VTI1A: variants seen among roughly 807,000 people sequenced by gnomAD.
VTI1A encodes the protein vesicle transport through interaction with t-SNAREs 1A.
VTI1A carries 22 observed loss-of-function variants against 34.9 expected under a neutral mutation model. The observed-to-expected ratio is 0.63, with a 90% confidence interval of 0.45 to 0.90. The LOEUF is 0.90. Ranked by LOEUF, VTI1A falls within the 40% of genes least tolerant of loss-of-function variation. The pLI is 0.00. For missense variants in VTI1A, 268 were observed against 275.6 expected, an observed-to-expected ratio of 0.97 and a Z score of 0.20; for synonymous variants, 87 against 97.3, an observed-to-expected ratio of 0.89 and a Z score of 0.62.
At chr10:112,765,853 A>AT (rs1288989752) in intron 7 of VTI1A, among the ~76,000 whole-genome samples, 5 of 152,172 alleles carry the variant, frequency 3.3e-5, no homozygotes, top group Non-Finnish European at 4.4e-5. Context: ...TGTCTAACCT[A>AT]TCTCTCTGTG....
At position 112,493,229 on chromosome 10, in the gene VTI1A, G is replaced by A. The variant is rs143684724; in HGVS notation, c.264+28572G>A. On this transcript the variant is annotated intron_variant, in intron 3 of 7. Coordinates refer to ENST00000393077, the MANE Select transcript of VTI1A (RefSeq NM_145206.4). ...TAAATATTTTCTCTTTAATTGTGTCGTGAATTATGTTTTTTCTTTCCTTTT... is the reference window on the plus strand; with the variant it reads ...TAAATATTTTCTCTTTAATTGTGTCATGAATTATGTTTTTTCTTTCCTTTT... Among the ~76,000 whole-genome samples the A allele has an allele frequency of 1.7e-3, 253 of 152,010 alleles. 1 individual carries two copies. The highest frequency in any genetic ancestry group is 5.4e-3 in the African/African-American group (222 of 41,478).
intron 7 of VTI1A, among the ~76,000 whole-genome samples, chr10:112,785,248 C>G (rs747508951): frequency 6.6e-5 from 10 of 152,186 alleles, no homozygotes; most frequent in Non-Finnish European, 1.3e-4. Flanking sequence ...ACTGGGCTCC[C>G]CAGGAGCCTT....
intron 7 of VTI1A, among the ~76,000 whole-genome samples, chr10:112,777,713 G>A (rs1851992657): frequency 6.6e-6 from 1 of 152,180 alleles, no homozygotes; most frequent in Non-Finnish European, 1.5e-5. Flanking sequence ...GGACATTGTG[G>A]CATTCATTCT....
intron 7 of VTI1A, among the ~76,000 whole-genome samples, chr10:112,717,122 T>C (rs1348464425): frequency 1.3e-5 from 2 of 152,188 alleles, no homozygotes. Context: ...GGACATTGGC[T>C]CAGTGCTGAG....
intron 7 of VTI1A, among the ~76,000 whole-genome samples, chr10:112,763,163 A>G (rs1305258930): frequency 6.6e-6 from 1 of 151,980 alleles, no homozygotes; most frequent in Non-Finnish European, 1.5e-5. Flanking sequence ...AGTGGCTCAC[A>G]CCTGTAATCC....
chr10:112,781,097 G>A lies in VTI1A; in HGVS notation c.561-34193G>A, dbSNP rs144749223. Among the ~76,000 whole-genome samples, 129 of 152,114 alleles carry A rather than the reference G, an allele frequency of 8.5e-4. 1 individual carries two copies. Among genetic ancestry groups the A allele is most frequent in the African/African-American group, 3.1e-3 (128 of 41,518 alleles). On this transcript the variant is annotated intron_variant, in intron 7 of 7. Coordinates refer to ENST00000393077, the MANE Select transcript of VTI1A (RefSeq NM_145206.4). ...GTAGCTGGGACTACAGGTGCACACC[G>A]CCATGGCCGGGTAATTTTTTGTAGT... is the stretch of plus-strand genomic sequence containing the variant.
intron 7 of VTI1A, among the ~76,000 whole-genome samples, chr10:112,678,090 T>C (rs192000223): frequency 2.0e-5 from 3 of 152,366 alleles, no homozygotes; most frequent in African/African-American, 7.2e-5. Context: ...CATTCAAAGA[T>C]AAAATATGTA....
chr10:112,507,031 G>A (rs1158053846), intron 3 of VTI1A, among the ~76,000 whole-genome samples: 1 of 151,792 alleles, frequency 6.6e-6, no homozygotes, highest in East Asian at 1.9e-4. Flanking sequence ...TGTAGAGAAT[G>A]AAGTAGGGGA....
chr10:112,783,647 T>C (rs1160561042), intron 7 of VTI1A, among the ~76,000 whole-genome samples: 1 of 152,242 alleles, frequency 6.6e-6, no homozygotes, highest in Non-Finnish European at 1.5e-5. Context: ...AATATCCAGC[T>C]GGCTTTGGAG....
At chr10:112,660,494 T>A (rs1847407768) in intron 5 of VTI1A, among the ~76,000 whole-genome samples, 1 of 152,204 alleles carries the variant, frequency 6.6e-6, no homozygotes, top group Admixed American at 6.5e-5. Flanking sequence ...AGAAAGGGAA[T>A]GTTTTACCTA....
chr10:112,669,084 C>T, intron 7 of VTI1A, 86 bp downstream of exon 7: 1 of 1,492,896 alleles, frequency 6.7e-7, no homozygotes, highest in Non-Finnish European at 9.3e-7. Flanking sequence ...GGGCATATTA[C>T]ATGCTTTTGA....
intron 5 of VTI1A, among the ~76,000 whole-genome samples, chr10:112,598,442 A>G (rs1844753115): frequency 6.6e-6 from 1 of 152,192 alleles, no homozygotes. Context: ...TGTGATGTGC[A>G]TTTAGAACAC....
rs116229183 is a variant in VTI1A, at chr10:112,747,472, A to G, written c.561-67818A>G. On this transcript the variant is annotated intron_variant, in intron 7 of 7. Transcript: ENST00000393077. ...TGAATACGATAGGCAGTTATAACAC[A>G]ATGGTTAAGTATTTGTGTATATAAA... is the stretch of plus-strand genomic sequence containing the variant. Among the ~76,000 whole-genome samples, 482 of 152,336 alleles carry G rather than the reference A, an allele frequency of 3.2e-3. 2 individuals carry two copies. The highest frequency in any genetic ancestry group is 0.011 in the African/African-American group (452 of 41,576).
intron 7 of VTI1A, among the ~76,000 whole-genome samples, chr10:112,705,810 C>T (rs966036200): frequency 2.0e-5 from 3 of 152,102 alleles, no homozygotes; most frequent in Non-Finnish European, 4.4e-5. Context: ...TTAACATTTG[C>T]CCACCCACCT....
chr10:112,518,629 G>A (rs7475468), intron 3 of VTI1A, among the ~76,000 whole-genome samples: 1 of 129,598 alleles, frequency 7.7e-6, no homozygotes, highest in African/African-American at 2.8e-5. Flanking sequence ...GTGTGTATGT[G>A]TATATATATG....
intron 5 of VTI1A, among the ~76,000 whole-genome samples, chr10:112,551,705 G>A (rs1000294525): frequency 6.6e-6 from 1 of 152,162 alleles, no homozygotes; most frequent in Non-Finnish European, 1.5e-5. Flanking sequence ...TTTAAGGAGG[G>A]TAGAGGAGGT....
chr10:112,670,701 G>GT (rs1308628233), intron 7 of VTI1A, among the ~76,000 whole-genome samples: 1 of 152,168 alleles, frequency 6.6e-6, no homozygotes, highest in Non-Finnish European at 1.5e-5. Context: ...TAACGTGGTT[G>GT]TTTCAGAAGC....
chr10:112,809,734 C>A (rs891723810), intron 7 of VTI1A, among the ~76,000 whole-genome samples: 8 of 152,192 alleles, frequency 5.3e-5, no homozygotes, highest in African/African-American at 1.9e-4. Context: ...ACTCAGCAAG[C>A]ATGTTTTGAG....
chr10:112,550,976 G>T (rs961996941), intron 5 of VTI1A, among the ~76,000 whole-genome samples: 1 of 152,128 alleles, frequency 6.6e-6, no homozygotes, highest in Admixed American at 6.5e-5. Context: ...GGGCGCGGTG[G>T]CTCACGCCTG....
Sources: allele counts gnomAD v4.1 joint callset (sites outside exome capture counted in the v4.1 genomes callset), GRCh38; gene constraint gnomAD v4.1.1; transcripts MANE v1.5; gene names NCBI Gene and HGNC (gene_info 2026-07-23, HGNC 2026-07-21).